The following RFX3 variants were observed in gnomAD, a reference collection of about 807,000 sequenced individuals.
RFX3 encodes the protein transcription factor RFX3.
A neutral mutation model predicts 98.6 loss-of-function variants in RFX3; 14 were observed. The observed-to-expected ratio is 0.14, with a 90% confidence interval of 0.09 to 0.22. The LOEUF (loss-of-function observed/expected upper bound fraction) is 0.22, where lower values mean the gene tolerates loss of function less well. Ranked by LOEUF, RFX3 falls within the 10% of genes least tolerant of loss-of-function variation. The pLI, the probability that RFX3 is intolerant of heterozygous loss-of-function variation, is 1.00. For missense variants in RFX3, 639 were observed against 926.9 expected (o/e 0.69, Z 4.03); for synonymous variants, 383 against 328.4 (o/e 1.17, Z -1.80).
intron 2 of RFX3, among the ~76,000 whole-genome samples, chr9:3,356,973 G>A (rs112752848): frequency 0.12 from 15,949 of 128,840 alleles, 1,463 homozygotes; most frequent in African/African-American, 0.33. Flanking sequence ...GCACACACAC[G>A]CACACACACA....
rs140972099 is a variant in RFX3, at chr9:3,362,880, G to A, written c.118-16116C>T. ...AGGTTTCAAAGGCGAGAGGGGGAGT[G>A]TGTCTGGGAGCAGGAATGTTACTCA... On this transcript the variant is annotated intron_variant, in intron 2 of 16. Transcript: ENST00000617270. 3.9e-5 allele frequency among the ~76,000 whole-genome samples: 6 copies of A among 152,316 alleles called. No homozygotes were observed. The East Asian group carries it at 1.2e-3, about 29-fold the overall frequency.
intron 1 of RFX3, among the ~76,000 whole-genome samples, chr9:3,436,058 C>A (rs1845094870): frequency 6.6e-6 from 1 of 151,804 alleles, no homozygotes; most frequent in Non-Finnish European, 1.5e-5. Context: ...CATGTACATC[C>A]TTGAAAGTAC....
intron 1 of RFX3, among the ~76,000 whole-genome samples, chr9:3,488,073 T>C (rs1461103830): frequency 1.3e-5 from 2 of 152,162 alleles, no homozygotes; most frequent in African/African-American, 4.8e-5. Context: ...TAAACGTGCT[T>C]CTTTTCCTAC....
chr9:3,498,804 C>T (rs1851291969), intron 1 of RFX3, among the ~76,000 whole-genome samples: 1 of 152,042 alleles, frequency 6.6e-6, no homozygotes, highest in Non-Finnish European at 1.5e-5. Context: ...TTTATTATTA[C>T]ATCCGGCCTG....
intron 1 of RFX3, among the ~76,000 whole-genome samples, chr9:3,476,374 C>T (rs948142933): frequency 1.3e-5 from 2 of 151,814 alleles, no homozygotes; most frequent in African/African-American, 4.8e-5. Context: ...TTATTAAGTG[C>T]CAAGAGAGGA....
Position 3,458,698 on chromosome 9 carries a change from G to C in RFX3, c.-8-63102C>G, listed in dbSNP as rs146795135. On this transcript the variant is annotated intron_variant, in intron 1 of 16. Transcript: ENST00000617270. ...ACAGTGTAAAGAATACAGTCCTGTA[G>C]TTGTAGTTTCTTCTGGAGTCAATGA... Among the ~76,000 whole-genome samples, 88 of 152,292 alleles carry C rather than the reference G, an allele frequency of 5.8e-4. No individual in the cohort carries two copies. In the East Asian group the frequency reaches 0.014, roughly 24 times the overall value.
At chr9:3,374,412 G>T (rs1440906118) in intron 2 of RFX3, among the ~76,000 whole-genome samples, 1 of 148,520 alleles carries the variant, frequency 6.7e-6, no homozygotes, top group Non-Finnish European at 1.5e-5. Context: ...AGTACAGCTT[G>T]TTCATAGCAT....
chr9:3,479,571 C>CTAAT (rs142279207), intron 1 of RFX3, among the ~76,000 whole-genome samples: 1,854 of 152,166 alleles, frequency 0.012, 45 homozygotes, highest in African/African-American at 0.042. Context: ...TTCCTGTTAA[C>CTAAT]TAATATGTGA....
intron 1 of RFX3, among the ~76,000 whole-genome samples, chr9:3,428,813 A>G (rs1178126791): frequency 2.6e-5 from 4 of 152,200 alleles, no homozygotes; most frequent in Admixed American, 6.5e-5. Context: ...TGAAATGAAT[A>G]GTTCCACAAA....
intron 1 of RFX3, among the ~76,000 whole-genome samples, chr9:3,502,141 C>T (rs1332047649): frequency 6.6e-6 from 1 of 150,676 alleles, no homozygotes; most frequent in African/African-American, 2.4e-5. Context: ...CGCCTGTAGT[C>T]CCAGCTACTC....
chr9:3,412,056 C>T (rs1842507691), intron 1 of RFX3, among the ~76,000 whole-genome samples: 1 of 152,146 alleles, frequency 6.6e-6, no homozygotes. Flanking sequence ...ATTTTCAGTA[C>T]TTAGACGTAA....
chr9:3,307,289 T>C (rs769073342), intron 4 of RFX3, among the ~76,000 whole-genome samples: 1 of 152,126 alleles, frequency 6.6e-6, no homozygotes, highest in African/African-American at 2.4e-5. Flanking sequence ...TAGGTAAATA[T>C]ATACAGACTG....
rs1371196037 is a variant in RFX3, at chr9:3,223,145, T to A, written c.*1897A>T. 1 of 151,692 alleles carries A rather than the reference T, an allele frequency of 6.6e-6. No individual in the cohort carries two copies. The highest frequency in any genetic ancestry group is 1.5e-5 in the Non-Finnish European group (1 of 67,976). The allele number at this position is 151,692 out of a possible 1,614,324, so 9.4% of individuals were successfully genotyped here. On this transcript the variant is annotated 3_prime_UTR_variant, in exon 17 of 17. Coordinates refer to ENST00000617270, the MANE Select transcript of RFX3 (RefSeq NM_001282116.2). Reference sequence around the variant, plus strand: ...TAGGCCTCATTTGATAATCTGTCAATCATTTTGTGCTTTCCTTTTTTTTGG... The same window carrying A: ...TAGGCCTCATTTGATAATCTGTCAAACATTTTGTGCTTTCCTTTTTTTTGG...
intron 1 of RFX3, among the ~76,000 whole-genome samples, chr9:3,520,913 C>G (rs1818647134): frequency 6.6e-6 from 1 of 152,160 alleles, no homozygotes; most frequent in African/African-American, 2.4e-5. Flanking sequence ...CTCATAGCCT[C>G]AGGTGATCCT....
At chr9:3,321,516 A>G (rs554758319) in intron 4 of RFX3, among the ~76,000 whole-genome samples, 2 of 152,132 alleles carry the variant, frequency 1.3e-5, no homozygotes, top group Non-Finnish European at 2.9e-5. Flanking sequence ...CTTCCTTTTC[A>G]TTGGACTGCC....
intron 1 of RFX3, among the ~76,000 whole-genome samples, chr9:3,425,101 G>A (rs1388728241): frequency 6.6e-6 from 1 of 152,134 alleles, no homozygotes; most frequent in African/African-American, 2.4e-5. Flanking sequence ...AGCCAGGCAT[G>A]GTGGCCCACA....
chr9:3,350,105 C>T (rs1468012673), intron 2 of RFX3, among the ~76,000 whole-genome samples: 2 of 151,940 alleles, frequency 1.3e-5, no homozygotes, highest in Non-Finnish European at 2.9e-5. Context: ...ATTCATGGAA[C>T]AAATAATTCA....
rs539601977 is a variant in RFX3, at chr9:3,464,209, AAC to A, written c.-9+61536_-9+61537del. Among the ~76,000 whole-genome samples the A allele has an allele frequency of 4.1e-3, 617 of 152,304 alleles. 2 individuals carry two copies. The highest frequency in any genetic ancestry group is 0.014 in the Middle Eastern group (4 of 294). ...GCAAAATGGTACAGCCACTTTGGAA[AAC>A]AGTTTGGCAGTTACTTCGAAAAGTT... On this transcript the variant is annotated intron_variant, in intron 1 of 16. Transcript: ENST00000617270.
At chr9:3,457,795 C>T (rs147507420) in intron 1 of RFX3, among the ~76,000 whole-genome samples, 1 of 151,986 alleles carries the variant, frequency 6.6e-6, no homozygotes, top group African/African-American at 2.4e-5. Flanking sequence ...TTACCGATTG[C>T]CATCTATATG....
Sources: allele counts gnomAD v4.1 joint callset (sites outside exome capture counted in the v4.1 genomes callset), GRCh38; gene constraint gnomAD v4.1.1; transcripts MANE v1.5; gene names NCBI Gene and HGNC (gene_info 2026-07-23, HGNC 2026-07-21).